Variants in TAFA2 observed in about 807,000 individuals in gnomAD.
TAFA2 encodes TAFA chemokine like family member 2, also known as chemokine-like protein TAFA-2.
Under a neutral mutation model 18.8 loss-of-function variants are expected in TAFA2, and 7 were observed. That is an observed-to-expected ratio of 0.37 (90% CI 0.21 to 0.70). The LOEUF (loss-of-function observed/expected upper bound fraction) is 0.70. Among genes scored for constraint, TAFA2 ranks in the 30% least tolerant of loss-of-function variants. The pLI is 0.53. For missense variants in TAFA2, 122 were observed against 158.1 expected, an observed-to-expected ratio of 0.77 and a Z score of 1.23; for synonymous variants, 60 against 54.2, an observed-to-expected ratio of 1.11 and a Z score of -0.47.
intron 4 of TAFA2, among the ~76,000 whole-genome samples, chr12:61,724,037 G>A (rs578089715): frequency 1.3e-4 from 20 of 152,118 alleles, no homozygotes; most frequent in Admixed American, 9.2e-4. Context: ...ACAATGATTG[G>A]TTCACCATTG....
intron 1 of TAFA2, among the ~76,000 whole-genome samples, chr12:62,157,462 T>C (rs1236186857): frequency 6.6e-6 from 1 of 152,162 alleles, no homozygotes; most frequent in Non-Finnish European, 1.5e-5. Context: ...TCAGGAATCT[T>C]AAGGAGCAGA....
chr12:61,878,786 A>C (rs1280821631), intron 1 of TAFA2, among the ~76,000 whole-genome samples: 2 of 152,168 alleles, frequency 1.3e-5, no homozygotes, highest in Non-Finnish European at 2.9e-5. Context: ...ATAGAAGCTA[A>C]GCTCCTTGAC....
At chr12:61,733,232 C>T (rs1868251624) in intron 4 of TAFA2, among the ~76,000 whole-genome samples, 1 of 152,042 alleles carries the variant, frequency 6.6e-6, no homozygotes, top group Non-Finnish European at 1.5e-5. Flanking sequence ...TACCTGTTCA[C>T]TCTGATGGTA....
intron 2 of TAFA2, among the ~76,000 whole-genome samples, chr12:61,836,443 C>A (rs1263328500): frequency 2.0e-5 from 3 of 151,726 alleles, no homozygotes; most frequent in African/African-American, 7.3e-5. Flanking sequence ...ATTCAAAGGG[C>A]CCATCTCAGA....
At chr12:62,076,312 T>C (rs1868248600) in intron 1 of TAFA2, among the ~76,000 whole-genome samples, 1 of 152,196 alleles carries the variant, frequency 6.6e-6, no homozygotes, top group African/African-American at 2.4e-5. Context: ...CTCCAGATTA[T>C]CTTCAGTTTT....
At chr12:61,797,952 T>C (rs1297737198) in intron 2 of TAFA2, among the ~76,000 whole-genome samples, 5 of 152,200 alleles carry the variant, frequency 3.3e-5, no homozygotes, top group South Asian at 2.1e-4. Flanking sequence ...TCTACTCATA[T>C]AGAAATGATT....
intron 1 of TAFA2, among the ~76,000 whole-genome samples, chr12:62,210,644 G>T (rs1271089829): frequency 6.6e-6 from 1 of 152,132 alleles, no homozygotes; most frequent in Non-Finnish European, 1.5e-5. Flanking sequence ...ATGGCAAAAA[G>T]CATGTACATA....
rs377558796 is a variant in TAFA2 at position 62,096,575 on chromosome 12, C to T, written c.-2+94684G>A. Among the ~76,000 whole-genome samples the T allele has an allele frequency of 1.4e-4, 21 of 152,250 alleles. No homozygotes were observed. In the East Asian group the frequency reaches 1.9e-3, roughly 14 times the overall value. Reference sequence around the variant, plus strand: ...TAAATCCCAATTACTATTTGAGTCTCCCCTTTTCTAAGTATTTCCAGAATA... The same window carrying T: ...TAAATCCCAATTACTATTTGAGTCTTCCCTTTTCTAAGTATTTCCAGAATA... On this transcript the variant is annotated intron_variant, in intron 1 of 4. Transcript: ENST00000416284.
At chr12:62,041,255 G>A (rs1381443144) in intron 1 of TAFA2, among the ~76,000 whole-genome samples, 1 of 152,092 alleles carries the variant, frequency 6.6e-6, no homozygotes, top group Non-Finnish European at 1.5e-5. Flanking sequence ...ACACAGAAAT[G>A]TTAGGTCAAT....
intron 2 of TAFA2, chr12:61,775,907 T>C (rs534343510): frequency 1.7e-5 from 3 of 181,612 alleles, no homozygotes; most frequent in African/African-American, 7.1e-5. Context: ...CTTCCATACT[T>C]CAGTAATATG....
chr12:61,974,079 A>G (rs1231811360), intron 1 of TAFA2, among the ~76,000 whole-genome samples: 1 of 151,810 alleles, frequency 6.6e-6, no homozygotes, highest in African/African-American at 2.4e-5. Context: ...GTTAACTACA[A>G]TATTGAAAAT....
intron 1 of TAFA2, among the ~76,000 whole-genome samples, chr12:61,985,667 A>G (rs905182890): frequency 6.6e-6 from 1 of 152,132 alleles, no homozygotes; most frequent in Non-Finnish European, 1.5e-5. Flanking sequence ...AGTTCTCCCA[A>G]TTTCTCTAAC....
chr12:61,966,922 A>G (rs1565699199), intron 1 of TAFA2, among the ~76,000 whole-genome samples: 1 of 151,898 alleles, frequency 6.6e-6, no homozygotes, highest in African/African-American at 2.4e-5. Flanking sequence ...TGAAACGGTC[A>G]CTTTTCTATA....
chr12:62,213,043 C>T lies in TAFA2; in HGVS notation c.-130+45720G>A, dbSNP rs181975173. Among the ~76,000 whole-genome samples the T allele has an allele frequency of 7.4e-4, 112 of 152,158 alleles. 1 individual carries two copies. Among genetic ancestry groups the T allele is most frequent in the African/African-American group, 2.6e-3 (107 of 41,518 alleles). On this transcript the variant is annotated intron_variant, in intron 1 of 5. Coordinates refer to the TAFA2 transcript ENST00000551619. ...TTATGAAATTATATAAAATAGAGGC[C>T]GCAAATTTTGGCCCATCTCTGAATC...
intron 1 of TAFA2, among the ~76,000 whole-genome samples, chr12:61,997,572 G>C (rs1213235385): frequency 6.6e-6 from 1 of 152,124 alleles, no homozygotes; most frequent in African/African-American, 2.4e-5. Context: ...AGGGGAGGTG[G>C]TGACAAAATT....
At chr12:62,231,757 G>A (rs534502517) in intron 1 of TAFA2, among the ~76,000 whole-genome samples, 14 of 152,242 alleles carry the variant, frequency 9.2e-5, no homozygotes, top group African/African-American at 2.6e-4. Flanking sequence ...GAACGGATAC[G>A]TTATGTGGTA....
intron 1 of TAFA2, among the ~76,000 whole-genome samples, chr12:61,916,573 A>G (rs754651747): frequency 1.2e-4 from 18 of 152,078 alleles, no homozygotes; most frequent in Non-Finnish European, 2.4e-4. Context: ...TTATTTGCAG[A>G]CCCTCTATTG....
At chr12:62,149,570 TTATATATATATACACATTATA>T (rs1565761151) in intron 1 of TAFA2, among the ~76,000 whole-genome samples, 2 of 147,596 alleles carry the variant, frequency 1.4e-5, no homozygotes, top group African/African-American at 4.9e-5. Context: ...TATATTCTAT[TTATATATATATACACATTATA>T]TATATATATA....
intron 1 of TAFA2, among the ~76,000 whole-genome samples, chr12:62,015,547 T>C (rs1317336589): frequency 6.6e-6 from 1 of 152,190 alleles, no homozygotes; most frequent in East Asian, 1.9e-4. Flanking sequence ...AATACATATA[T>C]TGATTTTCTA....
Sources: allele counts gnomAD v4.1 joint callset (sites outside exome capture counted in the v4.1 genomes callset), GRCh38; gene constraint gnomAD v4.1.1; transcripts MANE v1.5; gene names NCBI Gene and HGNC (gene_info 2026-07-23, HGNC 2026-07-21).